Variants in ARHGAP6 observed in about 807,000 individuals in gnomAD.
The protein encoded by ARHGAP6 is Rho GTPase activating protein 6.
Under a neutral mutation model 55.7 loss-of-function variants are expected in ARHGAP6, and 16 were observed. That is an observed-to-expected ratio of 0.29 (90% CI 0.19 to 0.44). ARHGAP6 has a LOEUF of 0.44. ARHGAP6 is among the 20% of genes least tolerant of loss of function. The probability of loss-of-function intolerance (pLI) is 1.00; values close to 1 mark genes in which losing one functional copy is unlikely to be tolerated. For missense variants in ARHGAP6, 698 were observed against 808.9 expected, an observed-to-expected ratio of 0.86 and a Z score of 1.66; for synonymous variants, 382 against 360.9, an observed-to-expected ratio of 1.06 and a Z score of -0.66.
chrX:11,326,904 C>A (rs2048506449), intron 1 of ARHGAP6, among the ~76,000 whole-genome samples: 1 of 111,444 alleles, frequency 9.0e-6, no homozygotes, highest in Admixed American at 9.5e-5. Context: ...TTAAATAATG[C>A]CATGGCAGAC....
chrX:11,561,447 G>A (rs1601646153), intron 1 of ARHGAP6, among the ~76,000 whole-genome samples: 1 of 111,712 alleles, frequency 9.0e-6, no homozygotes, highest in East Asian at 2.8e-4. Flanking sequence ...AATAACGCAG[G>A]AAGAATGGAA....
chrX:11,477,302 C>T (rs1014401045), intron 1 of ARHGAP6, among the ~76,000 whole-genome samples: 3 of 111,270 alleles, frequency 2.7e-5, no homozygotes, highest in East Asian at 5.6e-4. Context: ...ACAAGAGATA[C>T]CACTAAACTT....
chrX:11,350,810 T>G (rs1035688366), intron 1 of ARHGAP6, among the ~76,000 whole-genome samples: 4 of 111,301 alleles, frequency 3.6e-5, no homozygotes, highest in Non-Finnish European at 7.5e-5. Flanking sequence ...GAAAATAATT[T>G]TCAGGTTGCT....
At chrX:11,504,337 T>C (rs1040133691) in intron 1 of ARHGAP6, among the ~76,000 whole-genome samples, 1 of 111,608 alleles carries the variant, frequency 9.0e-6, no homozygotes, top group African/African-American at 3.3e-5. Flanking sequence ...TAATTTGTTG[T>C]TGTCAGGCTG....
intron 1 of ARHGAP6, chrX:11,334,806 A>T (rs1402611400): frequency 1.4e-5 from 3 of 216,440 alleles, no homozygotes; most frequent in Non-Finnish European, 2.6e-5. Context: ...CAAAGAACGC[A>T]GTTTCTTTTT....
At chrX:11,356,280 G>C (rs996553781) in intron 1 of ARHGAP6, among the ~76,000 whole-genome samples, 2 of 109,555 alleles carry the variant, frequency 1.8e-5, no homozygotes, top group Admixed American at 2.0e-4. Flanking sequence ...GGGACAAGGG[G>C]AGGGAGAGCA....
At position 11,140,846 on chromosome X, in the gene ARHGAP6, G is replaced by A. The variant is rs192231060; in HGVS notation, c.2258-1316C>T. Among the ~76,000 whole-genome samples the A allele has an allele frequency of 4.7e-4, 53 of 112,429 alleles. No homozygotes were observed. The East Asian group carries it at 7.5e-3, about 16-fold the overall frequency. ...GGCAAAGGAGGAGTCCTTGGGGCAT[G>A]TGTACCCAGACTACCATTTTCCTAT... is the stretch of plus-strand genomic sequence containing the variant. On this transcript the variant is annotated intron_variant, in intron 12 of 12. Transcript: ENST00000337414.
intron 5 of ARHGAP6, among the ~76,000 whole-genome samples, chrX:11,184,915 T>C (rs959798022): frequency 1.8e-5 from 2 of 112,279 alleles, no homozygotes; most frequent in Non-Finnish European, 3.8e-5. Context: ...CTAGATGGTA[T>C]AGCCTACTAT....
intron 1 of ARHGAP6, among the ~76,000 whole-genome samples, chrX:11,659,533 GC>G (rs1292577468): frequency 9.0e-6 from 1 of 111,225 alleles, no homozygotes; most frequent in Non-Finnish European, 1.9e-5. Context: ...AAATGCCCAC[GC>G]CCCAATCCCT....
In ARHGAP6 at chrX:11,494,773, C is replaced by T. The variant is rs573944600; in HGVS notation, c.588+169468G>A. ...CAGAGAGATTTTTGTAAACAACTCA[C>T]CCTTTGTGTACTTATCTGGGGAGTT... On this transcript the variant is annotated intron_variant, in intron 1 of 12. Transcript: ENST00000337414. Among the ~76,000 whole-genome samples the T allele has an allele frequency of 5.2e-4, 58 of 111,687 alleles. No homozygotes were observed. The South Asian group carries it at 0.02, about 38-fold the overall frequency.
At chrX:11,171,840 C>A (rs1229915155) in intron 8 of ARHGAP6, among the ~76,000 whole-genome samples, 1 of 111,445 alleles carries the variant, frequency 9.0e-6, no homozygotes, top group Non-Finnish European at 1.9e-5. Flanking sequence ...CCAGGAGCAC[C>A]CCTGCCCTCA....
chrX:11,174,102 C>T (rs1243058497), intron 8 of ARHGAP6, among the ~76,000 whole-genome samples: 1 of 112,112 alleles, frequency 8.9e-6, no homozygotes, highest in Non-Finnish European at 1.9e-5. Flanking sequence ...TCTACCTGCT[C>T]ATGCCAAATC....
intron 9 of ARHGAP6, among the ~76,000 whole-genome samples, chrX:11,168,387 A>G (rs943463667): frequency 1.8e-5 from 2 of 112,433 alleles, no homozygotes; most frequent in African/African-American, 6.5e-5. Flanking sequence ...TGAGAATTAC[A>G]TCATCATTTT....
chrX:11,145,357 T>C, intron 10 of ARHGAP6, among the ~76,000 whole-genome samples: 1 of 112,185 alleles, frequency 8.9e-6, no homozygotes, highest in South Asian at 3.7e-4. Context: ...CTCTGAGGTT[T>C]CCAGCAGGGG....
chrX:11,645,621 A>T lies in ARHGAP6; in HGVS notation c.588+18620T>A, dbSNP rs144455929. 3.2e-3 allele frequency among the ~76,000 whole-genome samples: 363 copies of T among 112,203 alleles called. 2 individuals carry two copies. Among genetic ancestry groups the T allele is most frequent in the African/African-American group, 0.011 (354 of 30,946 alleles). ...TTCAAATAAAGTTATTTGTCTCTAA[A>T]CTTTCAAATAAAGTCCTTGGGTGCT... is the stretch of plus-strand genomic sequence containing the variant. On this transcript the variant is annotated intron_variant, in intron 1 of 12. Coordinates refer to ENST00000337414, the MANE Select transcript of ARHGAP6 (RefSeq NM_013427.3).
At chrX:11,448,163 T>C (rs1179843538) in intron 1 of ARHGAP6, among the ~76,000 whole-genome samples, 2 of 112,547 alleles carry the variant, frequency 1.8e-5, no homozygotes, top group African/African-American at 6.5e-5. Context: ...ATTGTACCAC[T>C]TGGAAATCTT....
intron 1 of ARHGAP6, among the ~76,000 whole-genome samples, chrX:11,453,836 A>G (rs2050168794): frequency 8.9e-6 from 1 of 112,159 alleles, no homozygotes; most frequent in South Asian, 3.7e-4. Context: ...TAACATTTTA[A>G]GATGCATTAA....
At chrX:11,348,711 G>A (rs1287521984) in intron 1 of ARHGAP6, among the ~76,000 whole-genome samples, 2 of 112,029 alleles carry the variant, frequency 1.8e-5, no homozygotes, top group Non-Finnish European at 3.8e-5. Context: ...ATGCAGCAAT[G>A]TGATCTTGGC....
At chrX:11,596,537 C>T (rs774434727) in intron 1 of ARHGAP6, among the ~76,000 whole-genome samples, 2 of 111,251 alleles carry the variant, frequency 1.8e-5, no homozygotes, top group African/African-American at 3.3e-5. Flanking sequence ...CAAAACTGCA[C>T]GTTCTGCACA....
Sources: gnomAD v4.1 joint callset for allele counts (sites outside exome capture counted in the v4.1 genomes callset) on GRCh38, gnomAD v4.1.1 for gene constraint, MANE v1.5 for transcripts, NCBI Gene and HGNC (gene_info 2026-07-23, HGNC 2026-07-21) for gene names.